The following SLC11A2 variants were observed in gnomAD, a reference collection of about 807,000 sequenced individuals.
SLC11A2 encodes natural resistance-associated macrophage protein 2.
SLC11A2 carries 38 observed loss-of-function variants against 68.0 expected under a neutral mutation model. The observed-to-expected ratio is 0.56, with a 90% confidence interval of 0.43 to 0.73. The LOEUF (loss-of-function observed/expected upper bound fraction) is 0.73. SLC11A2 is among the 30% of genes least tolerant of loss of function. SLC11A2 has a pLI of 0.00. For missense variants in SLC11A2, 517 were observed against 690.5 expected, an observed-to-expected ratio of 0.75 and a Z score of 2.82; for synonymous variants, 242 against 250.6, an observed-to-expected ratio of 0.97 and a Z score of 0.32.
At chr12:51,003,460 G>A (rs1328927477) in intron 5 of SLC11A2, among the ~76,000 whole-genome samples, 6 of 151,176 alleles carry the variant, frequency 4.0e-5, no homozygotes, top group Middle Eastern at 3.4e-3. Context: ...CCCTGGAATC[G>A]CCTCACTGCA....
rs1940525323 is a variant in SLC11A2, at chr12:50,986,165, T to C, written c.*2160A>G. 1 of 1,285,958 alleles carries C rather than the reference T, an allele frequency of 7.8e-7. No individual in the cohort carries two copies. The highest frequency in any genetic ancestry group is 1.0e-6 in the Non-Finnish European group (1 of 987,672). 79.7% of individuals were successfully genotyped at this position (1,285,958 alleles called of 1,614,324 possible). On this transcript the variant is annotated 3_prime_UTR_variant, in exon 16 of 16. Transcript: ENST00000262052. ...ATAATGTAGCAGCACAATTATTTCA[T>C]GTCACATTTAAGAAGAACAAGAACC...
At position 51,012,202 on chromosome 12, in the gene SLC11A2, G is replaced by A. The variant is rs537461923; in HGVS notation, c.-38-1436C>T. ...CTACAGGTCCTGTACTAAGCAACCC[G>A]CAGTGGGGCGGGTGGAGTCAGGGGT... On this transcript the variant is annotated intron_variant, in intron 1 of 15. Coordinates refer to ENST00000262052, the MANE Select transcript of SLC11A2 (RefSeq NM_000617.3). Among the ~76,000 whole-genome samples the A allele has an allele frequency of 4.1e-4, 63 of 152,134 alleles. 1 individual carries two copies. Among genetic ancestry groups the A allele is most frequent in the Non-Finnish European group, 6.5e-4 (44 of 68,022 alleles).
At chr12:51,025,461 C>T (rs1944318970) in intron 1 of SLC11A2, among the ~76,000 whole-genome samples, 1 of 152,208 alleles carries the variant, frequency 6.6e-6, no homozygotes, top group South Asian at 2.1e-4. Flanking sequence ...GGTGGGGCTT[C>T]GGGTTCCAGA....
chr12:50,983,288 A>G (rs1940228792), downstream of SLC11A2, among the ~76,000 whole-genome samples: 1 of 152,182 alleles, frequency 6.6e-6, no homozygotes, highest in Non-Finnish European at 1.5e-5. Context: ...GACAAGTTTG[A>G]GTCTCATTTT....
chr12:50,962,319 G>A, the SLC11A2 span, among the ~76,000 whole-genome samples: 9 of 152,248 alleles, frequency 5.9e-5, no homozygotes, highest in African/African-American at 1.7e-4. Context: ...GCTGAGGCAG[G>A]AGAATCGCTT....
chr12:50,990,009 T>G (rs546866159), intron 15 of SLC11A2, among the ~76,000 whole-genome samples: 41 of 152,284 alleles, frequency 2.7e-4, no homozygotes, highest in Middle Eastern at 3.4e-3. Flanking sequence ...TAAAGAAGAT[T>G]TGGAAAATAG....
intron 12 of SLC11A2, 59 bp downstream of exon 12, chr12:50,992,751 A>G: frequency 2.6e-6 from 4 of 1,529,044 alleles, no homozygotes; most frequent in Non-Finnish European, 2.7e-6. Flanking sequence ...AAAAAAGAAG[A>G]AGAAGAAGAA....
intron 3 of SLC11A2, among the ~76,000 whole-genome samples, chr12:51,007,442 C>G (rs1385980698): frequency 6.6e-6 from 1 of 152,148 alleles, no homozygotes; most frequent in Non-Finnish European, 1.5e-5. Flanking sequence ...TCAAGTGATT[C>G]TCCTGCCTCA....
At chr12:50,991,901 T>C (rs1320368390) in intron 13 of SLC11A2, among the ~76,000 whole-genome samples, 1 of 152,230 alleles carries the variant, frequency 6.6e-6, no homozygotes, top group African/African-American at 2.4e-5. Context: ...CCACAGGACC[T>C]AGCACAGTGT....
In SLC11A2 at chr12:50,988,076, A is replaced by G. The variant is rs756673561; in HGVS notation, c.*249T>C. 7.0e-7 allele frequency: 1 copy of G among 1,435,052 alleles called. No homozygotes were observed. The allele number at this position is 1,435,052 out of a possible 1,614,324, so 88.9% of individuals were successfully genotyped here. ...CCCTTGGGCAACTACTTAAGAATTT[A>G]GTGTTGGAATGATAGCAGCAAATGT... On this transcript the variant is annotated 3_prime_UTR_variant, in exon 16 of 16. Coordinates refer to ENST00000262052, the MANE Select transcript of SLC11A2 (RefSeq NM_000617.3).
rs1193508557 is a variant in SLC11A2, at chr12:50,995,530, G to T, written c.990+99C>A. 4 of 1,216,912 alleles carry T rather than the reference G, an allele frequency of 3.3e-6. No homozygotes were observed. The East Asian group carries it at 7.0e-5, about 21-fold the overall frequency. The allele number at this position is 1,216,912 out of a possible 1,614,324, so 75.4% of individuals were successfully genotyped here. ...CGAGAAGCTAGAGATTATTTCTCCT[G>T]AACATTAACACTAGGATGAGGTATT... On this transcript the variant is annotated intron_variant, in intron 10 of 15. Transcript: ENST00000262052.
chr12:50,977,219 A>G (rs557576161), downstream of SLC11A2, among the ~76,000 whole-genome samples: 2 of 152,166 alleles, frequency 1.3e-5, no homozygotes, highest in African/African-American at 2.4e-5. Flanking sequence ...CAAAGCTGGA[A>G]GCATCACGCT....
chr12:51,008,646 T>C, intron 2 of SLC11A2, 22 bp from the exon 3 acceptor site: 1 of 1,594,508 alleles, frequency 6.3e-7, no homozygotes, highest in Non-Finnish European at 8.6e-7. Context: ...GATTTGAAAA[T>C]AAATTAGTAA....
At chr12:50,969,152 G>T in the SLC11A2 span, among the ~76,000 whole-genome samples, 1 of 151,506 alleles carries the variant, frequency 6.6e-6, no homozygotes, top group African/African-American at 2.4e-5. Flanking sequence ...AAATTAGCTG[G>T]GTGTGGTGGC....
chr12:50,973,211 C>T, the SLC11A2 span, among the ~76,000 whole-genome samples: 9 of 152,180 alleles, frequency 5.9e-5, no homozygotes, highest in African/African-American at 1.9e-4. Context: ...GTTCCCTGAC[C>T]CCCAAGTAGC....
At chr12:50,959,814 A>C in the SLC11A2 span, among the ~76,000 whole-genome samples, 1 of 151,512 alleles carries the variant, frequency 6.6e-6, no homozygotes, top group South Asian at 2.1e-4. Flanking sequence ...CGCCCGGCTA[A>C]TTTTTTTGTA....
intron 3 of SLC11A2, among the ~76,000 whole-genome samples, chr12:51,007,923 G>A (rs11169662): frequency 4.6e-5 from 7 of 152,322 alleles, no homozygotes; most frequent in African/African-American, 1.7e-4. Flanking sequence ...TTACAGGTGT[G>A]AGCCTGGGCT....
chr12:50,962,713 AT>A, the SLC11A2 span, among the ~76,000 whole-genome samples: 3 of 152,062 alleles, frequency 2.0e-5, no homozygotes, highest in Non-Finnish European at 4.4e-5. Context: ...AGAAAAAAAA[AT>A]TTTTTTGCTA....
At chr12:50,998,362 A>AAAAT (rs1023162826) in intron 8 of SLC11A2, among the ~76,000 whole-genome samples, 19 of 152,270 alleles carry the variant, frequency 1.2e-4, no homozygotes, top group Non-Finnish European at 2.5e-4. Flanking sequence ...CTCTGGCTCA[A>AAAAT]AAATAAATAA....
Sources: allele counts gnomAD v4.1 joint callset (sites outside exome capture counted in the v4.1 genomes callset), GRCh38; gene constraint gnomAD v4.1.1; transcripts MANE v1.5; gene names NCBI Gene and HGNC (gene_info 2026-07-23, HGNC 2026-07-21).